Variants in KCNMA1 observed in about 807,000 individuals in gnomAD.
KCNMA1 encodes the protein Calcium-activated potassium channel subunit alpha-1.
In KCNMA1, 29 loss-of-function variants were observed where a neutral mutation model predicts 140.0. The observed-to-expected ratio is 0.21, with a 90% CI of 0.15 to 0.28. The LOEUF is 0.28. Ranked by LOEUF, KCNMA1 falls within the 10% of genes least tolerant of loss-of-function variation. KCNMA1 has a pLI of 1.00. For missense variants in KCNMA1, 880 were observed against 1,602.2 expected (o/e 0.55, Z 7.70); for synonymous variants, 612 against 611.9 (o/e 1.00, Z 0.00).
intron 1 of KCNMA1, chr10:77,636,643 A>G: frequency 1.3e-6 from 2 of 1,535,942 alleles, no homozygotes; most frequent in Non-Finnish European, 1.7e-6. Flanking sequence ...CCCGTGGGCT[A>G]CCCCCAATAG....
intron 5 of KCNMA1, among the ~76,000 whole-genome samples, chr10:77,130,229 T>A (rs761197208): frequency 5.3e-5 from 8 of 152,214 alleles, no homozygotes; most frequent in Non-Finnish European, 1.0e-4. Context: ...ACTCTAAGTA[T>A]TCACACAACC....
At chr10:77,551,746 T>C (rs1213194290) in intron 1 of KCNMA1, among the ~76,000 whole-genome samples, 2 of 152,206 alleles carry the variant, frequency 1.3e-5, no homozygotes, top group Non-Finnish European at 2.9e-5. Context: ...AAGCATGGTG[T>C]GTGTGGAGCT....
At chr10:76,913,883 C>A in intron 24 of KCNMA1, 2 of 588,792 alleles carry the variant, frequency 3.4e-6, no homozygotes, top group South Asian at 2.2e-5. Context: ...TTAAGAAAGG[C>A]CAGAACAAGA....
intron 14 of KCNMA1, among the ~76,000 whole-genome samples, chr10:77,060,520 A>T (rs1391004163): frequency 1.3e-5 from 2 of 152,194 alleles, no homozygotes; most frequent in African/African-American, 4.8e-5. Context: ...AAAATGGAGA[A>T]GAATTTTGTC....
At chr10:77,427,725 A>T (rs796116861) in intron 1 of KCNMA1, among the ~76,000 whole-genome samples, 8 of 69,228 alleles carry the variant, frequency 1.2e-4, no homozygotes, top group Non-Finnish European at 1.4e-4. Context: ...CCATTCATTT[A>T]TTTATTTATT....
intron 2 of KCNMA1, among the ~76,000 whole-genome samples, chr10:77,320,557 C>G: frequency 6.6e-6 from 1 of 152,066 alleles, no homozygotes; most frequent in East Asian, 1.9e-4. Flanking sequence ...CCTGAGCAGG[C>G]CAGTCCACTC....
At chr10:77,238,931 G>A (rs897049501) in intron 3 of KCNMA1, among the ~76,000 whole-genome samples, 1 of 152,062 alleles carries the variant, frequency 6.6e-6, no homozygotes, top group Non-Finnish European at 1.5e-5. Context: ...TACATACATT[G>A]CCTTCTATAA....
intron 2 of KCNMA1, among the ~76,000 whole-genome samples, chr10:77,311,032 T>G (rs1218248559): frequency 6.6e-6 from 1 of 152,204 alleles, no homozygotes; most frequent in East Asian, 1.9e-4. Flanking sequence ...TGGCCACAGC[T>G]GCTGTCAGTT....
intron 5 of KCNMA1, among the ~76,000 whole-genome samples, chr10:77,164,348 A>G (rs923901125): frequency 1.3e-5 from 2 of 152,190 alleles, no homozygotes; most frequent in Non-Finnish European, 2.9e-5. Flanking sequence ...GCAGGAAGAG[A>G]GATGACCTTG....
chr10:77,446,957 A>G (rs1329528467), intron 1 of KCNMA1, among the ~76,000 whole-genome samples: 2 of 152,186 alleles, frequency 1.3e-5, no homozygotes, highest in African/African-American at 4.8e-5. Flanking sequence ...CTTGCCCTTC[A>G]GGGTCAGGTC....
chr10:77,607,037 CT>C (rs978996037), intron 1 of KCNMA1, among the ~76,000 whole-genome samples: 3 of 152,198 alleles, frequency 2.0e-5, no homozygotes, highest in African/African-American at 7.2e-5. Context: ...AAGTGAGCCT[CT>C]GCCCTGACAT....
chr10:77,154,880 T>C (rs1170630033), intron 5 of KCNMA1, among the ~76,000 whole-genome samples: 1 of 152,234 alleles, frequency 6.6e-6, no homozygotes, highest in Non-Finnish European at 1.5e-5. Context: ...TATAAATTGC[T>C]ATAAAACACA....
At chr10:77,319,589 C>T (rs1318125642) in intron 2 of KCNMA1, among the ~76,000 whole-genome samples, 1 of 152,194 alleles carries the variant, frequency 6.6e-6, no homozygotes, top group Non-Finnish European at 1.5e-5. Flanking sequence ...ACAAATACTC[C>T]TATTACGTCC....
rs147783491 is a variant in KCNMA1, at chr10:76,922,198, C to G, written c.2903-7149G>C. Among the ~76,000 whole-genome samples, 1,271 of 152,304 alleles carry G rather than the reference C, an allele frequency of 8.3e-3. 8 individuals carry two copies. Among genetic ancestry groups the G allele is most frequent in the Non-Finnish European group, 0.014 (963 of 68,030 alleles). On this transcript the variant is annotated intron_variant, in intron 23 of 27. Transcript: ENST00000286628. ...TTCAGCAATCATTCTATGCTAGAAA[C>G]ACGAGAGTTTTCAAAATCCTCTAAT... is the stretch of plus-strand genomic sequence containing the variant.
At chr10:77,343,456 A>G (rs939948284) in intron 2 of KCNMA1, among the ~76,000 whole-genome samples, 24 of 152,110 alleles carry the variant, frequency 1.6e-4, no homozygotes, top group Non-Finnish European at 2.6e-4. Flanking sequence ...TACTGCCTCA[A>G]TGAGCTGACA....
At chr10:77,093,898 C>T (rs936507715) in intron 9 of KCNMA1, among the ~76,000 whole-genome samples, 2 of 152,186 alleles carry the variant, frequency 1.3e-5, no homozygotes, top group African/African-American at 4.8e-5. Flanking sequence ...ATGTGAGATT[C>T]ATACTCTGAT....
intron 2 of KCNMA1, among the ~76,000 whole-genome samples, chr10:77,314,693 G>A (rs2080268270): frequency 1.3e-5 from 2 of 152,072 alleles, no homozygotes; most frequent in Admixed American, 1.3e-4. Context: ...CTGGGTGATG[G>A]CTGAGGTGAA....
chr10:77,294,552 A>C (rs1467013111), intron 2 of KCNMA1, among the ~76,000 whole-genome samples: 5 of 152,264 alleles, frequency 3.3e-5, no homozygotes, highest in Non-Finnish European at 7.3e-5. Context: ...ATACACTGGC[A>C]CATGTGTGCA....
At chr10:77,285,896 C>T (rs1370810645) in intron 2 of KCNMA1, among the ~76,000 whole-genome samples, 6 of 152,176 alleles carry the variant, frequency 3.9e-5, no homozygotes, top group East Asian at 1.9e-4. Context: ...GTGAAAAGTA[C>T]TTACTTAGCA....
Sources: allele counts gnomAD v4.1 joint callset (sites outside exome capture counted in the v4.1 genomes callset), GRCh38; gene constraint gnomAD v4.1.1; transcripts MANE v1.5; gene names NCBI Gene and HGNC (gene_info 2026-07-23, HGNC 2026-07-21).